Variants in DYM observed in about 807,000 individuals in gnomAD.
The protein encoded by DYM is dymeclin, also known as dyggve-Melchior-Clausen syndrome protein.
DYM carries 78 observed loss-of-function variants against 93.1 expected under a neutral mutation model. That is an observed-to-expected ratio of 0.84 (90% CI 0.70 to 1.01). DYM has a LOEUF of 1.01. DYM is among the 50% of genes least tolerant of loss of function. DYM has a pLI of 0.00. For synonymous variants in DYM, 321 were observed against 319.7 expected, an observed-to-expected ratio of 1.00 and a Z score of -0.04; for missense variants, 789 against 845.0, an observed-to-expected ratio of 0.93 and a Z score of 0.82.
rs899670172 is a variant in DYM, at chr18:49,202,337, T to C, written c.1625+7214A>G. 6.6e-5 allele frequency among the ~76,000 whole-genome samples: 10 copies of C among 151,978 alleles called. No homozygotes were observed. The East Asian group carries it at 1.9e-3, about 29-fold the overall frequency. On this transcript the variant is annotated intron_variant, in intron 14 of 17. Transcript: ENST00000675505. ...GGGAGTGCAGTGGCGTGATCTCGGC[T>C]CACTACAACCTACACCTCCCAGCCG...
At chr18:49,158,025 A>T (rs919260878) in intron 15 of DYM, among the ~76,000 whole-genome samples, 4 of 152,222 alleles carry the variant, frequency 2.6e-5, no homozygotes, top group African/African-American at 7.2e-5. Context: ...TGACAATGAC[A>T]CAAGACCATT....
At chr18:49,343,215 C>T (rs1346650305) in intron 6 of DYM, among the ~76,000 whole-genome samples, 1 of 152,186 alleles carries the variant, frequency 6.6e-6, no homozygotes, top group East Asian at 1.9e-4. Context: ...AACTCGGAGT[C>T]CTTAACTCAG....
intron 17 of DYM, among the ~76,000 whole-genome samples, chr18:49,072,471 C>A (rs1196439663): frequency 6.6e-6 from 1 of 152,248 alleles, no homozygotes; most frequent in Admixed American, 6.5e-5. Context: ...CCCACTCCAA[C>A]CTTTCCCCTG....
chr18:49,434,825 G>C (rs1489392646), intron 1 of DYM, among the ~76,000 whole-genome samples: 1 of 151,960 alleles, frequency 6.6e-6, no homozygotes, highest in Non-Finnish European at 1.5e-5. Context: ...AATTAGCCAG[G>C]TGTGGTGGTG....
At chr18:49,135,454 T>C (rs1194144715) in intron 15 of DYM, among the ~76,000 whole-genome samples, 2 of 152,184 alleles carry the variant, frequency 1.3e-5, no homozygotes, top group East Asian at 3.8e-4. Flanking sequence ...TGAACCTTGA[T>C]TTCATTATCA....
chr18:49,419,868 A>G (rs1432355883), intron 2 of DYM, among the ~76,000 whole-genome samples: 2 of 152,354 alleles, frequency 1.3e-5, no homozygotes, highest in Admixed American at 6.5e-5. Context: ...TAGAATTTAC[A>G]TAAGTGAAAA....
intron 6 of DYM, among the ~76,000 whole-genome samples, chr18:49,340,975 TATAC>T (rs2064072989): frequency 6.6e-6 from 1 of 152,200 alleles, no homozygotes; most frequent in African/African-American, 2.4e-5. Context: ...AATTGCCATA[TATAC>T]AGTCAACACT....
chr18:49,435,261 A>C (rs925103464), intron 1 of DYM, among the ~76,000 whole-genome samples: 6 of 151,518 alleles, frequency 4.0e-5, no homozygotes, highest in Non-Finnish European at 8.8e-5. Context: ...TGTATATGTG[A>C]ACTGAAAATG....
intron 9 of DYM, among the ~76,000 whole-genome samples, chr18:49,285,299 A>G (rs2095096264): frequency 6.6e-6 from 1 of 152,226 alleles, no homozygotes; most frequent in African/African-American, 2.4e-5. Flanking sequence ...GTGTATCAGA[A>G]TAACCCGGAA....
At chr18:49,106,787 A>T (rs2145759238) in intron 16 of DYM, among the ~76,000 whole-genome samples, 1 of 152,358 alleles carries the variant, frequency 6.6e-6, no homozygotes, top group Non-Finnish European at 1.5e-5. Context: ...TGTTAGTCTG[A>T]TGGGCTTCCC....
In DYM at chr18:49,037,244, T is replaced by C. The variant is rs357911; in HGVS notation, c.*6811A>G. Among the ~76,000 whole-genome samples, 1 of 152,210 alleles carries C rather than the reference T, an allele frequency of 6.6e-6. No homozygotes were observed. The highest frequency in any genetic ancestry group is 1.5e-5 in the Non-Finnish European group (1 of 68,034). On this transcript the variant is annotated 3_prime_UTR_variant, in exon 18 of 18. Transcript: ENST00000675505. ...CTTTTGACTTTGATTCCCTTTATTG[T>C]ATATTTGTGTTCTATATCAGTAATT...
chr18:49,215,642 T>C (rs1038955488), intron 13 of DYM, among the ~76,000 whole-genome samples: 1 of 152,216 alleles, frequency 6.6e-6, no homozygotes, highest in African/African-American at 2.4e-5. Context: ...CTATTAATGC[T>C]GCTTAAAATT....
intron 15 of DYM, among the ~76,000 whole-genome samples, chr18:49,125,049 A>G (rs1599924349): frequency 6.6e-6 from 1 of 152,110 alleles, no homozygotes; most frequent in South Asian, 2.1e-4. Context: ...CACGAGGTCA[A>G]GAGATCGAGA....
At chr18:49,164,718 A>G (rs754509677) in intron 14 of DYM, among the ~76,000 whole-genome samples, 4 of 152,256 alleles carry the variant, frequency 2.6e-5, no homozygotes, top group Non-Finnish European at 4.4e-5. Context: ...GGAGCTGTAA[A>G]TTAAACAGAG....
chr18:49,455,173 C>T lies in DYM; in HGVS notation c.-54+5225G>A, dbSNP rs564840776. ...ACAACTGCATACATCCTCCCTAAGA[C>T]TTCCAGATTGATGAATTCTACCCCT... is the stretch of plus-strand genomic sequence containing the variant. On this transcript the variant is annotated intron_variant, in intron 1 of 17. Transcript: ENST00000675505. 4.6e-5 allele frequency among the ~76,000 whole-genome samples: 7 copies of T among 152,332 alleles called. No individual in the cohort carries two copies. In the South Asian group the frequency reaches 1.2e-3, roughly 27 times the overall value.
At chr18:49,405,500 C>A (rs1293691849) in intron 2 of DYM, among the ~76,000 whole-genome samples, 1 of 152,150 alleles carries the variant, frequency 6.6e-6, no homozygotes, top group Admixed American at 6.5e-5. Flanking sequence ...AATAGGAAGT[C>A]TTTTCCTTAT....
intron 8 of DYM, among the ~76,000 whole-genome samples, chr18:49,300,875 C>G (rs2060889247): frequency 6.6e-6 from 1 of 152,060 alleles, no homozygotes; most frequent in South Asian, 2.1e-4. Flanking sequence ...CTACTACTCC[C>G]TAGTTGAAAG....
chr18:49,343,925 T>C (rs539412892), intron 6 of DYM, among the ~76,000 whole-genome samples: 97 of 144,658 alleles, frequency 6.7e-4, no homozygotes, highest in African/African-American at 2.5e-3. Context: ...TTGGGCAACA[T>C]ACAAGACCCC....
At chr18:49,080,460 CT>C (rs2077810446) in intron 17 of DYM, among the ~76,000 whole-genome samples, 1 of 137,642 alleles carries the variant, frequency 7.3e-6, no homozygotes, top group Non-Finnish European at 1.6e-5. Context: ...GTAGGGGCGG[CT>C]GGGCAGAGGC....
Sources: allele counts gnomAD v4.1 joint callset (sites outside exome capture counted in the v4.1 genomes callset), GRCh38; gene constraint gnomAD v4.1.1; transcripts MANE v1.5; gene names NCBI Gene and HGNC (gene_info 2026-07-23, HGNC 2026-07-21).